The following CSMD1 variants were observed in gnomAD, a reference collection of about 807,000 sequenced individuals.
CSMD1 encodes CUB and Sushi multiple domains 1.
Under a neutral mutation model 417.5 loss-of-function variants are expected in CSMD1, and 213 were observed. The observed-to-expected ratio is 0.51, with a 90% CI of 0.46 to 0.57. The LOEUF (loss-of-function observed/expected upper bound fraction) is 0.57. CSMD1 is among the 20% of genes least tolerant of loss of function. The pLI is 0.00. For missense variants in CSMD1, 6,923 were observed against 4,529.7 expected, an observed-to-expected ratio of 1.53 and a Z score of -15.17; for synonymous variants, 2,862 against 1,736.8, an observed-to-expected ratio of 1.65 and a Z score of -16.11.
intron 1 of CSMD1, among the ~76,000 whole-genome samples, chr8:4,648,193 T>C (rs1803657635): frequency 6.6e-6 from 1 of 152,258 alleles, no homozygotes; most frequent in African/African-American, 2.4e-5. Context: ...TTCTTATGTT[T>C]GTTGGACACA....
intron 1 of CSMD1, among the ~76,000 whole-genome samples, chr8:4,866,976 G>A (rs1188410540): frequency 1.3e-5 from 2 of 151,854 alleles, no homozygotes; most frequent in African/African-American, 4.8e-5. Flanking sequence ...AAATACTAGA[G>A]ACATTGTATT....
chr8:3,569,109 T>A (rs6558795), intron 10 of CSMD1, among the ~76,000 whole-genome samples: 122,456 of 152,144 alleles, frequency 0.8, 50,155 homozygotes, highest in Non-Finnish European at 0.89. Context: ...AATACCCTGG[T>A]ATGAGCTGTT....
At chr8:3,315,957 C>CAAAT (rs1348321507) in intron 23 of CSMD1, among the ~76,000 whole-genome samples, 1 of 152,100 alleles carries the variant, frequency 6.6e-6, no homozygotes, top group African/African-American at 2.4e-5. Context: ...TCCAGCAGGT[C>CAAAT]AAATAGTTAA....
chr8:3,998,087 A>G lies in CSMD1; in HGVS notation c.634T>C (p.Leu212=). ...GAGATGGAGCTGCTGGTCCCGCGTAAGGTTCCTCCGCAGGCTCCCTCAGCT... is the reference window on the plus strand; with the variant it reads ...GAGATGGAGCTGCTGGTCCCGCGTAGGGTTCCTCCGCAGGCTCCCTCAGCT... The part of the protein sequence containing the change: ...CRAEGACGGT[L]RGTSSSISSP... The change falls in exon 5 of 70, where the codon TTA becomes CTA. Residue 212 remains leucine (L), a synonymous_variant. Coordinates refer to ENST00000635120, the MANE Select transcript of CSMD1 (RefSeq NM_033225.6). The G allele has an allele frequency of 6.3e-7, 1 of 1,580,226 alleles. No homozygotes were observed. Among genetic ancestry groups the G allele is most frequent in the African/African-American group, 1.3e-5 (1 of 74,332 alleles).
chr8:4,047,191 G>A (rs1268704333), intron 3 of CSMD1, among the ~76,000 whole-genome samples: 2 of 152,144 alleles, frequency 1.3e-5, no homozygotes, highest in Non-Finnish European at 1.5e-5. Context: ...TGGGCCAGAT[G>A]CTCTGTAGTA....
At chr8:4,857,800 A>G (rs1243288134) in intron 1 of CSMD1, among the ~76,000 whole-genome samples, 1 of 152,034 alleles carries the variant, frequency 6.6e-6, no homozygotes, top group Non-Finnish European at 1.5e-5. Context: ...AGAGTCCAGG[A>G]CCAGATGGAT....
intron 1 of CSMD1, among the ~76,000 whole-genome samples, chr8:4,728,158 T>C (rs1369921429): frequency 6.8e-6 from 1 of 147,360 alleles, no homozygotes; most frequent in Non-Finnish European, 1.5e-5. Flanking sequence ...AATATATATA[T>C]TTTATATATA....
intron 21 of CSMD1, among the ~76,000 whole-genome samples, chr8:3,352,942 A>G (rs1051382169): frequency 3.3e-5 from 5 of 152,206 alleles, no homozygotes; most frequent in Non-Finnish European, 5.9e-5. Flanking sequence ...GTATATAACA[A>G]AACTAAGCCC....
chr8:3,275,118 G>A (rs1802178923), intron 26 of CSMD1, among the ~76,000 whole-genome samples: 1 of 152,064 alleles, frequency 6.6e-6, no homozygotes. Flanking sequence ...TGTTAGTGAA[G>A]GCCTGGTAGT....
In CSMD1 at chr8:3,940,485, A is replaced by G. The variant is rs372718098; in HGVS notation, c.818+57418T>C. Among the ~76,000 whole-genome samples the G allele has an allele frequency of 5.5e-5, 8 of 145,498 alleles. No homozygotes were observed. In the East Asian group the frequency reaches 1.4e-3, roughly 26 times the overall value. On this transcript the variant is annotated intron_variant, in intron 5 of 69. Coordinates refer to ENST00000635120, the MANE Select transcript of CSMD1 (RefSeq NM_033225.6). ...TAATTCAGTATATTCAGTAAAATTT[A>G]AATTATTTCCTCTGTGTGTGTGTGT...
At chr8:4,305,588 A>C (rs1056774537) in intron 3 of CSMD1, among the ~76,000 whole-genome samples, 1 of 152,120 alleles carries the variant, frequency 6.6e-6, no homozygotes, top group Non-Finnish European at 1.5e-5. Context: ...AAGAGTAAAA[A>C]ATTAACCTTT....
chr8:4,572,134 T>C (rs1291915993), intron 2 of CSMD1, among the ~76,000 whole-genome samples: 4 of 152,224 alleles, frequency 2.6e-5, no homozygotes, highest in African/African-American at 9.6e-5. Context: ...TTAATATTGT[T>C]ATGTGTGAAT....
chr8:3,182,675 C>CTGTGTGTGTGTGTGTGTG (rs10676783), intron 36 of CSMD1, among the ~76,000 whole-genome samples: 25 of 99,078 alleles, frequency 2.5e-4, no homozygotes, highest in Non-Finnish European at 3.3e-4. Flanking sequence ...CTATAAGAAG[C>CTGTGTGTGTGTGTGTGTG]TGTGTGTGTG....
At chr8:4,894,775 C>T (rs117710187) in intron 1 of CSMD1, among the ~76,000 whole-genome samples, 1 of 151,448 alleles carries the variant, frequency 6.6e-6, no homozygotes, top group South Asian at 2.1e-4. Flanking sequence ...TGTATAAAAT[C>T]TTCTGACTTT....
intron 10 of CSMD1, among the ~76,000 whole-genome samples, chr8:3,538,918 A>T (rs1798320038): frequency 6.6e-6 from 1 of 152,184 alleles, no homozygotes; most frequent in Non-Finnish European, 1.5e-5. Flanking sequence ...TGCTGCACAC[A>T]GCCGCCAGAG....
intron 3 of CSMD1, among the ~76,000 whole-genome samples, chr8:4,285,826 G>C (rs535764632): frequency 2.0e-5 from 3 of 152,282 alleles, no homozygotes; most frequent in Admixed American, 6.5e-5. Flanking sequence ...AGAAGATCAT[G>C]TGTCCTTGGC....
chr8:4,255,438 A>C (rs894633950), intron 3 of CSMD1, among the ~76,000 whole-genome samples: 4 of 152,324 alleles, frequency 2.6e-5, no homozygotes, highest in African/African-American at 7.2e-5. Context: ...TTTCTCACTT[A>C]CTTTGAAATA....
rs577259269 is a variant in CSMD1 at position 4,276,063 on chromosome 8, C to T, written c.415+143890G>A. ...TCAACCGTTGTGGAAGACAGTGTGACGATTCCTTAAGGATCTAGAACTTGA... is the reference window on the plus strand; with the variant it reads ...TCAACCGTTGTGGAAGACAGTGTGATGATTCCTTAAGGATCTAGAACTTGA... On this transcript the variant is annotated intron_variant, in intron 3 of 69. Coordinates refer to ENST00000635120, the MANE Select transcript of CSMD1 (RefSeq NM_033225.6). Among the ~76,000 whole-genome samples the T allele has an allele frequency of 4.6e-5, 7 of 152,190 alleles. 1 individual carries two copies. Among genetic ancestry groups the T allele is most frequent in the African/African-American group, 1.7e-4 (7 of 41,528 alleles).
At chr8:4,886,113 C>T (rs889542054) in intron 1 of CSMD1, among the ~76,000 whole-genome samples, 4 of 152,070 alleles carry the variant, frequency 2.6e-5, no homozygotes, top group African/African-American at 9.7e-5. Flanking sequence ...GCCTCAGCCT[C>T]CTGAGTAGCT....
Sources: gnomAD v4.1 joint callset for allele counts (sites outside exome capture counted in the v4.1 genomes callset) on GRCh38, gnomAD v4.1.1 for gene constraint, MANE v1.5 for transcripts, NCBI Gene and HGNC (gene_info 2026-07-23, HGNC 2026-07-21) for gene names.